Variants in RTN2 observed in about 807,000 individuals in gnomAD.
The protein encoded by RTN2 is reticulon 2, also known as reticulon-2.
In RTN2, 36 loss-of-function variants were observed where a neutral mutation model predicts 63.7. The ratio of observed to expected loss-of-function variants is 0.56; its 90% confidence interval spans 0.43 to 0.75. The LOEUF (loss-of-function observed/expected upper bound fraction) is 0.75, where lower values mean the gene tolerates loss of function less well. Among genes scored for constraint, RTN2 ranks in the 30% least tolerant of loss-of-function variants. The pLI is 0.00. For synonymous variants in RTN2, 312 were observed against 313.0 expected (o/e 1.00, Z 0.03); for missense variants, 673 against 705.1 (o/e 0.95, Z 0.52).
chr19:45,495,194 G>T, intron 1 of RTN2, 55 bp from the exon 2 acceptor site: 1 of 1,591,146 alleles, frequency 6.3e-7, no homozygotes, highest in Admixed American at 1.7e-5. Context: ...CCGAATCACA[G>T]AAGTGTCCCA....
In RTN2 at chr19:45,486,094, A is replaced by G. The variant is rs1968015079; in HGVS notation, c.1517T>C (p.Val506Ala). 6.2e-7 allele frequency: 1 copy of G among 1,613,834 alleles called. No homozygotes were observed. ...RQHQAQIDQY[V>A]GLVTNQLSHI... ...GCTCAACTGATTGGTCACCAACCCCACATATTGGTCGATCTGAGCCTGGGG... is the reference window on the plus strand; with the variant it reads ...GCTCAACTGATTGGTCACCAACCCCGCATATTGGTCGATCTGAGCCTGGGG... Residue 506 changes from valine to alanine, a missense_variant, in exon 10 of 11, where the codon GTG becomes GCG. Physicochemically the swap from Val to Ala is moderately conservative, Grantham distance 64 (BLOSUM62 0). Transcript: ENST00000245923.
At chr19:45,493,085 G>T (rs1968195365) in intron 5 of RTN2, 75 bp downstream of exon 5, 2 of 1,337,826 alleles carry the variant, frequency 1.5e-6, no homozygotes, top group Non-Finnish European at 2.1e-6. Flanking sequence ...TGCTCCGGAT[G>T]TGCAGGAGAT....
At position 45,489,530 on chromosome 19, in the gene RTN2, C is replaced by A; in HGVS notation, c.1057G>T (p.Asp353Tyr). Residue 353 changes from aspartate (D) to tyrosine (Y), a missense_variant, in exon 6 of 11, where the codon GAC (aspartate) becomes TAC (tyrosine). Physicochemically the swap from Asp to Tyr is radical, Grantham distance 160 (BLOSUM62 -3). Transcript: ENST00000245923. ...AAGACCACTCCTGACGTCCTCGTGT[C>A]CTTCCAGTACAGCAGGTCCGCCACT... ...SKVADLLYWK[D>Y]TRTSGVVFTG... is the part of the protein sequence containing the mutation. 1.2e-6 allele frequency: 2 copies of A among 1,605,924 alleles called. No homozygotes were observed. The highest frequency in any genetic ancestry group is 8.5e-7 in the Non-Finnish European group (1 of 1,176,386).
Position 45,489,029 on chromosome 19 carries a change from G to C in RTN2, c.1242-43C>G, listed in dbSNP as rs1968093563. On this transcript the variant is annotated intron_variant, in intron 6 of 10. Transcript: ENST00000245923. Reference sequence around the variant, plus strand: ...TGTGGGGCGACTCAGTGGGTGACCAGCTCAGACTGGTGCAGGGGCAGCTGA... The same window carrying C: ...TGTGGGGCGACTCAGTGGGTGACCACCTCAGACTGGTGCAGGGGCAGCTGA... The C allele has an allele frequency of 1.9e-6, 3 of 1,597,304 alleles. No homozygotes were observed. The East Asian group carries it at 6.8e-5, about 36-fold the overall frequency.
intron 5 of RTN2, 87 bp downstream of exon 5, chr19:45,493,073 A>AATGCTCCGG: frequency 7.0e-6 from 9 of 1,279,810 alleles, no homozygotes; most frequent in Admixed American, 1.8e-5. Context: ...CAGTAATAAA[A>AATGCTCCGG]ATGCTCCGGA....
chr19:45,492,744 C>T (rs887793450), intron 5 of RTN2, among the ~76,000 whole-genome samples: 1 of 152,222 alleles, frequency 6.6e-6, no homozygotes, highest in Non-Finnish European at 1.5e-5. Context: ...AATAGGGCAG[C>T]CCCTCCCTCC....
chr19:45,494,464 G>T lies in RTN2; in HGVS notation c.560-44C>A. 6.2e-7 allele frequency: 1 copy of T among 1,602,964 alleles called. No homozygotes were observed. Among genetic ancestry groups the T allele is most frequent in the Non-Finnish European group, 8.5e-7 (1 of 1,172,866 alleles). On this transcript the variant is annotated intron_variant, in intron 3 of 10. Coordinates refer to ENST00000245923, the MANE Select transcript of RTN2 (RefSeq NM_005619.5). The surrounding 1 kb of genome is among the most constrained non-coding windows in gnomAD (Gnocchi z 5.3). ...GAGGCCGTGAGCTTTCTTCTTGGAG[G>T]TGCCCCAAGGAGAAACCACCCACCC...
intron 1 of RTN2, among the ~76,000 whole-genome samples, chr19:45,496,154 C>T (rs1273881370): frequency 6.6e-6 from 1 of 152,124 alleles, no homozygotes; most frequent in African/African-American, 2.4e-5. Flanking sequence ...AGATGATGCT[C>T]AATGCGGTTT....
intron 1 of RTN2, 120 bp from the exon 2 acceptor site, chr19:45,495,259 A>T: frequency 1.7e-6 from 2 of 1,173,098 alleles, no homozygotes; most frequent in Non-Finnish European, 2.5e-6. Context: ...TTCTGCACAC[A>T]GACTCTAAAA....
chr19:45,493,297 A>G lies in RTN2; in HGVS notation c.896T>C (p.Leu299Pro). Reference sequence around the variant, plus strand: ...TTGGACCCAGCCAATGGCTGTCCACAGAGGTGGGGACAATTCCAAAATTGG... The same window carrying G: ...TTGGACCCAGCCAATGGCTGTCCACGGAGGTGGGGACAATTCCAAAATTGG... ...TVPILELSPP[L>P]WTAIGWVQRG... Residue 299 changes from leucine (L) to proline (P), a missense_variant, in exon 5 of 11, where the codon CTG becomes CCG. Coordinates refer to ENST00000245923, the MANE Select transcript of RTN2 (RefSeq NM_005619.5). 6.2e-7 allele frequency: 1 copy of G among 1,612,648 alleles called. No homozygotes were observed. Among genetic ancestry groups the G allele is most frequent in the Non-Finnish European group, 8.5e-7 (1 of 1,179,600 alleles).
In RTN2 at chr19:45,489,411, G is replaced by C. The variant is rs777385348; in HGVS notation, c.1176C>G (p.Ile392Met). Reference sequence around the variant, plus strand: ...GCACTTTGCGGTAAACCCTGAGAGAGATGGTGCCGCAGAGCAGCAACAGAG... The same window carrying C: ...GCACTTTGCGGTAAACCCTGAGAGACATGGTGCCGCAGAGCAGCAACAGAG... ...HLALLLLCGT[I>M]SLRVYRKVLQ... The change falls in exon 6 of 11, where the codon ATC becomes ATG. Residue 392 changes from isoleucine to methionine, a missense_variant. By Grantham distance (10) the Ile-to-Met change is conservative. Transcript: ENST00000245923. The C allele has an allele frequency of 5.6e-6, 9 of 1,604,848 alleles. 1 individual carries two copies. In the East Asian group the frequency reaches 1.3e-4, roughly 24 times the overall value.
chr19:45,488,691 A>G lies in RTN2; in HGVS notation c.1396T>C (p.Tyr466His). The G allele has an allele frequency of 6.2e-7, 1 of 1,613,848 alleles. No homozygotes were observed. The highest frequency in any genetic ancestry group is 8.5e-7 in the Non-Finnish European group (1 of 1,179,912). Reference protein sequence around the residue: ...VDSLKLALLFYILTFVGAIFN... With the variant: ...VDSLKLALLFHILTFVGAIFN... ...ATGGCACCCACGAAGGTCAAGATGT[A>G]GAAGAGGAGGGCCAGCTGGGGGTGA... The change falls in exon 8 of 11, where the codon TAC becomes CAC. Residue 466 changes from tyrosine (Y) to histidine (H), a missense_variant. By Grantham distance (83) the Tyr-to-His change is moderately conservative (BLOSUM62 2). Transcript: ENST00000245923.
At chr19:45,490,150 T>A (rs1968122577) in intron 5 of RTN2, among the ~76,000 whole-genome samples, 1 of 151,976 alleles carries the variant, frequency 6.6e-6, no homozygotes, top group Non-Finnish European at 1.5e-5. Context: ...TACAGGCATG[T>A]GCCACCATTC....
chr19:45,493,081 G>A, intron 5 of RTN2, 79 bp downstream of exon 5: 1 of 1,314,764 alleles, frequency 7.6e-7, no homozygotes, highest in African/African-American at 1.5e-5. Context: ...AAAATGCTCC[G>A]GATGTGCAGG....
rs772334011 is a variant in RTN2, at chr19:45,493,257, G to GGGGGT, written c.931_935dup (p.Thr314ProfsTer10). 6.2e-7 allele frequency: 1 copy of GGGGGT among 1,613,736 alleles called. No homozygotes were observed. On this transcript the variant is annotated frameshift_variant, in exon 5 of 11. Transcript: ENST00000245923. LOFTEE classifies it high-confidence loss of function. ...GTAGAACCCGGAGGACAGGAGTAGG[G>GGGGGT]GGGGTGGGGCCCCTTTGGACCCAGC...
Position 45,493,131 on chromosome 19 carries a change from C to T in RTN2, c.1033+29G>A, listed in dbSNP as rs200214311. The T allele has an allele frequency of 9.6e-4, 1,531 of 1,601,342 alleles. 7 individuals carry two copies. The Middle Eastern group carries it at 0.017, about 18-fold the overall frequency. ...TTGGACCCCGTTCCGCCGACCTCAG[C>T]CCCCGTCCAGCCCGTTCCGCAAGCC... On this transcript the variant is annotated intron_variant, in intron 5 of 10. Transcript: ENST00000245923.
chr19:45,493,422 A>G (rs372150627), intron 4 of RTN2, 44 bp from the exon 5 acceptor site: 1 of 1,409,750 alleles, frequency 7.1e-7, no homozygotes, highest in Non-Finnish European at 1.0e-6. Flanking sequence ...GTCATTTTAC[A>G]ACTGGCCAAT....
chr19:45,495,605 A>G (rs962752062), intron 1 of RTN2, among the ~76,000 whole-genome samples: 3 of 152,196 alleles, frequency 2.0e-5, no homozygotes, highest in African/African-American at 7.2e-5. Flanking sequence ...TGTTTCTCAT[A>G]GGGTGGTCAA....
chr19:45,495,889 G>C (rs1253793625), intron 1 of RTN2, among the ~76,000 whole-genome samples: 1 of 152,156 alleles, frequency 6.6e-6, no homozygotes, highest in Non-Finnish European at 1.5e-5. Flanking sequence ...TGAAGTTAAC[G>C]ACAAGATCAT....
Sources: gnomAD v4.1 joint callset for allele counts (sites outside exome capture counted in the v4.1 genomes callset) on GRCh38, gnomAD v4.1.1 for gene constraint, Gnocchi (gnomAD v3.1) non-coding constraint, MANE v1.5 for transcripts, NCBI Gene and HGNC (gene_info 2026-07-23, HGNC 2026-07-21) for gene names.